The following AGBL1 variants were observed in gnomAD, a reference collection of about 807,000 sequenced individuals.
The protein encoded by AGBL1 is cytosolic carboxypeptidase 4.
A neutral mutation model predicts 118.9 loss-of-function variants in AGBL1; 130 were observed. The observed-to-expected ratio is 1.09, with a 90% confidence interval of 0.95 to 1.26. The LOEUF is 1.26. Among genes scored for constraint, AGBL1 ranks in the 50% most tolerant of loss-of-function variants. The pLI, the probability that AGBL1 is intolerant of heterozygous loss-of-function variation, is 0.00. For synonymous variants in AGBL1, 555 were observed against 478.9 expected, an observed-to-expected ratio of 1.16 and a Z score of -2.08; for missense variants, 1,584 against 1,298.1, an observed-to-expected ratio of 1.22 and a Z score of -3.38.
intron 22 of AGBL1, among the ~76,000 whole-genome samples, chr15:86,905,215 C>T (rs553261579): frequency 3.3e-5 from 5 of 152,126 alleles, no homozygotes; most frequent in Non-Finnish European, 5.9e-5. Flanking sequence ...CAACTTGATG[C>T]GCGGGAGAAC....
At chr15:86,749,179 AT>A (rs2077807127) in intron 22 of AGBL1, among the ~76,000 whole-genome samples, 1 of 151,970 alleles carries the variant, frequency 6.6e-6, no homozygotes, top group Admixed American at 6.6e-5. Flanking sequence ...GTCCTCTTTT[AT>A]TTCGTTGAGC....
intron 23 of AGBL1, among the ~76,000 whole-genome samples, chr15:86,929,491 C>T (rs1347630507): frequency 2.0e-5 from 3 of 152,174 alleles, no homozygotes; most frequent in Non-Finnish European, 2.9e-5. Flanking sequence ...TGTGAATTTT[C>T]ACCACCTTTG....
At chr15:86,515,033 A>G (rs1223118638) in intron 18 of AGBL1, among the ~76,000 whole-genome samples, 2 of 152,096 alleles carry the variant, frequency 1.3e-5, no homozygotes. Context: ...ACTCTCCTTT[A>G]TGGAAATTTA....
chr15:86,550,307 G>A (rs754982511), intron 20 of AGBL1, among the ~76,000 whole-genome samples: 11 of 152,028 alleles, frequency 7.2e-5, no homozygotes, highest in Non-Finnish European at 1.3e-4. Context: ...AAATATGAAC[G>A]AACAAACCCT....
chr15:86,215,217 ATGTATGCGTGTG>A (rs1322717466), intron 5 of AGBL1, among the ~76,000 whole-genome samples: 125 of 128,278 alleles, frequency 9.7e-4, no homozygotes, highest in African/African-American at 3.5e-3. Flanking sequence ...GTGAGTGTAT[ATGTATGCGTGTG>A]TGTGTGTGTG....
intron 21 of AGBL1, among the ~76,000 whole-genome samples, chr15:86,556,612 G>T (rs2083737966): frequency 6.6e-6 from 1 of 152,162 alleles, no homozygotes; most frequent in Non-Finnish European, 1.5e-5. Flanking sequence ...GTGTTTTGGT[G>T]ATTTTTGCGT....
chr15:86,667,214 CTATGTATG>C (rs769766717), intron 21 of AGBL1, among the ~76,000 whole-genome samples: 2,028 of 35,636 alleles, frequency 0.057, 45 homozygotes, highest in African/African-American at 0.086. Flanking sequence ...ATGTATGTAT[CTATGTATG>C]TATGTATGTA....
intron 1 of AGBL1, among the ~76,000 whole-genome samples, chr15:86,118,464 A>G (rs1242477892): frequency 7.3e-6 from 1 of 137,400 alleles, no homozygotes; most frequent in East Asian, 2.2e-4. Flanking sequence ...CAACATTATA[A>G]TTACACTTCA....
chr15:86,390,329 G>T (rs1220772513), intron 17 of AGBL1, among the ~76,000 whole-genome samples: 2 of 152,122 alleles, frequency 1.3e-5, no homozygotes, highest in African/African-American at 4.8e-5. Flanking sequence ...AATAATTCAT[G>T]GAACAAGCAG....
chr15:86,734,428 T>A (rs1419512592), intron 22 of AGBL1, among the ~76,000 whole-genome samples: 1 of 152,130 alleles, frequency 6.6e-6, no homozygotes. Context: ...TTGGAAAAGA[T>A]GTAGAGACTA....
chr15:86,282,722 G>A (rs1048809581), intron 16 of AGBL1, among the ~76,000 whole-genome samples: 3 of 152,120 alleles, frequency 2.0e-5, no homozygotes, highest in Non-Finnish European at 2.9e-5. Context: ...GAGGAGAAAC[G>A]GTTTTTCTTC....
At chr15:86,760,318 G>A (rs1247622754) in intron 22 of AGBL1, among the ~76,000 whole-genome samples, 2 of 152,008 alleles carry the variant, frequency 1.3e-5, no homozygotes, top group Admixed American at 1.3e-4. Flanking sequence ...GGAGAATTAG[G>A]TGCTGAGAGA....
intron 12 of AGBL1, 96 bp downstream of exon 12, chr15:86,266,553 T>G: frequency 1.2e-6 from 1 of 844,254 alleles, no homozygotes; most frequent in East Asian, 2.8e-5. Context: ...CCACTCCTCC[T>G]CCTAAAACAG....
At chr15:86,343,142 C>G (rs989649939) in intron 17 of AGBL1, among the ~76,000 whole-genome samples, 1 of 152,164 alleles carries the variant, frequency 6.6e-6, no homozygotes, top group African/African-American at 2.4e-5. Context: ...TATCTATTCT[C>G]TAGCCCTGGA....
At chr15:86,612,913 T>C (rs1345323426) in intron 21 of AGBL1, among the ~76,000 whole-genome samples, 1 of 152,314 alleles carries the variant, frequency 6.6e-6, no homozygotes, top group Admixed American at 6.5e-5. Context: ...TTTCGACCAA[T>C]TGACAATCAG....
chr15:86,604,766 T>A (rs1156516154), intron 21 of AGBL1, among the ~76,000 whole-genome samples: 2 of 151,306 alleles, frequency 1.3e-5, no homozygotes, highest in African/African-American at 2.4e-5. Context: ...ATTTTCACAT[T>A]TCTTTTTCTT....
intron 23 of AGBL1, among the ~76,000 whole-genome samples, chr15:86,973,907 T>C (rs1367121674): frequency 2.1e-5 from 3 of 144,432 alleles, no homozygotes; most frequent in Admixed American, 7.1e-5. Flanking sequence ...ATATATTAAA[T>C]ATAAACATAT....
At chr15:86,412,333 G>A (rs2081633137) in intron 18 of AGBL1, among the ~76,000 whole-genome samples, 1 of 152,122 alleles carries the variant, frequency 6.6e-6, no homozygotes, top group African/African-American at 2.4e-5. Context: ...TATGTCCTTT[G>A]TTTCCACAGA....
intron 22 of AGBL1, among the ~76,000 whole-genome samples, chr15:86,700,633 T>A (rs2142642509): frequency 6.6e-6 from 1 of 152,192 alleles, no homozygotes; most frequent in South Asian, 2.1e-4. Context: ...CTTGCAATTT[T>A]CAGCTGGTGA....
Sources: gnomAD v4.1 joint callset for allele counts (sites outside exome capture counted in the v4.1 genomes callset) on GRCh38, gnomAD v4.1.1 for gene constraint, MANE v1.5 for transcripts, NCBI Gene and HGNC (gene_info 2026-07-23, HGNC 2026-07-21) for gene names.